CCSER1: variants seen among roughly 807,000 people sequenced by gnomAD.
CCSER1 encodes serine-rich coiled-coil domain-containing protein 1.
A neutral mutation model predicts 82.0 loss-of-function variants in CCSER1; 41 were observed. The ratio of observed to expected loss-of-function variants is 0.50; its 90% confidence interval spans 0.39 to 0.65. CCSER1 has a LOEUF of 0.65. Ranked by LOEUF, CCSER1 falls within the 30% of genes least tolerant of loss-of-function variation. The pLI, the probability that CCSER1 is intolerant of heterozygous loss-of-function variation, is 0.00. For synonymous variants in CCSER1, 414 were observed against 383.9 expected, an observed-to-expected ratio of 1.08 and a Z score of -0.92; for missense variants, 1,119 against 1,064.2, an observed-to-expected ratio of 1.05 and a Z score of -0.72.
chr4:91,257,315 GT>G (rs1560547421), intron 10 of CCSER1, among the ~76,000 whole-genome samples: 1 of 151,832 alleles, frequency 6.6e-6, no homozygotes, highest in Non-Finnish European at 1.5e-5. Flanking sequence ...TGAAATATTT[GT>G]TTTATTTTTC....
intron 3 of CCSER1, among the ~76,000 whole-genome samples, chr4:90,390,231 A>C (rs1323896675): frequency 6.6e-6 from 1 of 152,158 alleles, no homozygotes; most frequent in Non-Finnish European, 1.5e-5. Context: ...TACCATTTAC[A>C]TCTTTTTGTG....
At chr4:91,203,553 CAT>C (rs1292011022) in intron 10 of CCSER1, among the ~76,000 whole-genome samples, 3 of 151,354 alleles carry the variant, frequency 2.0e-5, no homozygotes, top group African/African-American at 4.9e-5. Context: ...ATATGTAAAA[CAT>C]AGATTAGTAA....
intron 10 of CCSER1, among the ~76,000 whole-genome samples, chr4:91,215,060 T>C (rs560137527): frequency 6.6e-6 from 1 of 152,216 alleles, no homozygotes; most frequent in Admixed American, 6.5e-5. Flanking sequence ...CAACAACCCA[T>C]TTATATATAA....
chr4:91,066,038 CTT>C (rs1280955232), intron 9 of CCSER1, among the ~76,000 whole-genome samples: 4 of 152,188 alleles, frequency 2.6e-5, no homozygotes, highest in South Asian at 2.1e-4. Context: ...TTATACCTAA[CTT>C]GTAATATTTT....
intron 5 of CCSER1, among the ~76,000 whole-genome samples, chr4:90,621,227 CTG>C (rs1722270222): frequency 6.6e-6 from 1 of 152,254 alleles, no homozygotes; most frequent in South Asian, 2.1e-4. Context: ...TATAATTTTT[CTG>C]TGTTTTTTTT....
intron 7 of CCSER1, among the ~76,000 whole-genome samples, chr4:90,798,387 G>T (rs1489089105): frequency 4.0e-5 from 6 of 151,550 alleles, no homozygotes; most frequent in Admixed American, 3.9e-4. Context: ...TTATTTATCA[G>T]GATTTTTAGC....
intron 9 of CCSER1, among the ~76,000 whole-genome samples, chr4:90,925,286 T>C (rs1381676361): frequency 1.3e-5 from 2 of 152,248 alleles, no homozygotes; most frequent in South Asian, 2.1e-4. Flanking sequence ...AAAAATGAAG[T>C]CACTTTTTTA....
intron 1 of CCSER1, among the ~76,000 whole-genome samples, chr4:90,129,238 C>A (rs1722404273): frequency 6.6e-6 from 1 of 152,176 alleles, no homozygotes; most frequent in African/African-American, 2.4e-5. Context: ...AAGAGGACAC[C>A]TAGGTGGGGG....
chr4:91,403,642 A>G lies in CCSER1; in HGVS notation c.2218-194930A>G, dbSNP rs1284376943. ...ATTGTTGAATGCCTTTTCTGCATCCATTGAGGTAATCATGTGGTTTTTGTC... is the reference window on the plus strand; with the variant it reads ...ATTGTTGAATGCCTTTTCTGCATCCGTTGAGGTAATCATGTGGTTTTTGTC... On this transcript the variant is annotated intron_variant, in intron 10 of 10. Coordinates refer to ENST00000509176, the MANE Select transcript of CCSER1 (RefSeq NM_001145065.2). Among the ~76,000 whole-genome samples, 4 of 152,148 alleles carry G rather than the reference A, an allele frequency of 2.6e-5. 1 individual carries two copies. The highest frequency in any genetic ancestry group is 2.0e-4 in the Admixed American group (3 of 15,262).
chr4:90,538,287 T>A (rs7664473), intron 5 of CCSER1, among the ~76,000 whole-genome samples: 8,491 of 152,186 alleles, frequency 0.056, 408 homozygotes, highest in East Asian at 0.29. Flanking sequence ...AGTTTTGATA[T>A]TCTCTATATA....
At chr4:90,400,241 T>G (rs565161228) in intron 4 of CCSER1, 112 bp downstream of exon 4, 3 of 463,500 alleles carry the variant, frequency 6.5e-6, no homozygotes, top group Non-Finnish European at 7.6e-6. Context: ...GCCTCAGTTT[T>G]TATAGTCTAT....
At chr4:90,526,947 A>T (rs1380367086) in intron 5 of CCSER1, among the ~76,000 whole-genome samples, 3 of 152,210 alleles carry the variant, frequency 2.0e-5, no homozygotes, top group Non-Finnish European at 4.4e-5. Flanking sequence ...GAATCTCCAC[A>T]CTGTCTTCCA....
chr4:90,617,487 A>G (rs1204908919), intron 5 of CCSER1, among the ~76,000 whole-genome samples: 1 of 152,196 alleles, frequency 6.6e-6, no homozygotes, highest in Non-Finnish European at 1.5e-5. Context: ...ACTTCAGCAT[A>G]GAAATAAAGA....
intron 8 of CCSER1, among the ~76,000 whole-genome samples, chr4:90,897,081 G>T (rs1264991356): frequency 2.0e-5 from 3 of 151,422 alleles, no homozygotes; most frequent in Non-Finnish European, 2.9e-5. Context: ...TTATATTTGG[G>T]GACCAATTAC....
intron 1 of CCSER1, among the ~76,000 whole-genome samples, chr4:90,220,625 T>A (rs183102930): frequency 8.5e-5 from 13 of 152,314 alleles, no homozygotes; most frequent in Middle Eastern, 6.8e-3. Flanking sequence ...TCTGGCACGT[T>A]TCTGTACTTT....
chr4:91,163,709 C>T (rs931425200), intron 10 of CCSER1, among the ~76,000 whole-genome samples: 3 of 152,012 alleles, frequency 2.0e-5, no homozygotes, highest in African/African-American at 7.3e-5. Context: ...CTCTTTTGAT[C>T]TTTGTTGGTT....
At chr4:90,901,129 C>A (rs955172951) in intron 8 of CCSER1, among the ~76,000 whole-genome samples, 2 of 151,898 alleles carry the variant, frequency 1.3e-5, no homozygotes, top group Admixed American at 6.6e-5. Flanking sequence ...TCTTGTTTTT[C>A]ATTTGCATGA....
At chr4:91,233,274 G>GA (rs972139994) in intron 10 of CCSER1, among the ~76,000 whole-genome samples, 2 of 151,626 alleles carry the variant, frequency 1.3e-5, no homozygotes, top group African/African-American at 2.4e-5. Context: ...CTTTGTTAAA[G>GA]AAAAAAATCA....
chr4:90,812,157 T>G (rs1758436674), intron 7 of CCSER1, among the ~76,000 whole-genome samples: 1 of 151,630 alleles, frequency 6.6e-6, no homozygotes, highest in Admixed American at 6.6e-5. Context: ...AGGAGAAATA[T>G]GTAGGCTGGG....
Sources: gnomAD v4.1 joint callset for allele counts (sites outside exome capture counted in the v4.1 genomes callset) on GRCh38, gnomAD v4.1.1 for gene constraint, MANE v1.5 for transcripts, NCBI Gene and HGNC (gene_info 2026-07-23, HGNC 2026-07-21) for gene names.